GARNL3: variants seen among roughly 807,000 people sequenced by gnomAD.
GARNL3 encodes the protein GTPase activating Rap/RanGAP domain like 3, also known as GTPase-activating Rap/Ran-GAP domain-like protein 3.
GARNL3 carries 63 observed loss-of-function variants against 125.0 expected under a neutral mutation model. That is an observed-to-expected ratio of 0.50 (90% confidence interval 0.41 to 0.62). The LOEUF (loss-of-function observed/expected upper bound fraction) is 0.62, where lower values mean the gene tolerates loss of function less well. Ranked by LOEUF, GARNL3 falls within the 20% of genes least tolerant of loss-of-function variation. GARNL3 has a pLI of 0.00. For missense variants in GARNL3, 994 were observed against 1,244.0 expected, an observed-to-expected ratio of 0.80 and a Z score of 3.02; for synonymous variants, 439 against 457.5, an observed-to-expected ratio of 0.96 and a Z score of 0.52.
chr9:127,313,372 AGT>A (rs2065146862), intron 3 of GARNL3, 67 bp from the exon 4 acceptor site: 3 of 1,050,894 alleles, frequency 2.9e-6, no homozygotes, highest in Non-Finnish European at 4.5e-6. Flanking sequence ...CACCACCTGC[AGT>A]GTCCTCTACC....
rs1419301360 is a variant in GARNL3 at position 127,393,479 on chromosome 9, T to C, written c.*225T>C. ...ACCATCAGTCCCCTTGTAATAAAGG[T>C]GGTAGATTTCATTGAGGTTTTAGAT... On this transcript the variant is annotated 3_prime_UTR_variant, in exon 28 of 28. Coordinates refer to ENST00000373387, the MANE Select transcript of GARNL3 (RefSeq NM_032293.5). The C allele has an allele frequency of 2.8e-6, 1 of 351,076 alleles. No homozygotes were observed. The highest frequency in any genetic ancestry group is 4.2e-5 in the East Asian group (1 of 23,592). The allele number at this position is 351,076 out of a possible 1,614,324, so 21.7% of individuals were successfully genotyped here.
intron 2 of GARNL3, chr9:127,300,527 T>C: frequency 2.9e-6 from 1 of 350,480 alleles, no homozygotes; most frequent in South Asian, 2.4e-5. Context: ...GGATCTTGGC[T>C]CACTGCAACC....
rs2063220671 is a variant in GARNL3, at chr9:127,242,446, ACCTT to A, written c.-28-628_-28-625del. 1.3e-5 allele frequency among the ~76,000 whole-genome samples: 2 copies of A among 152,026 alleles called. No homozygotes were observed. Among genetic ancestry groups the A allele is most frequent in the South Asian group, 4.1e-4 (2 of 4,826 alleles). Reference sequence around the variant, plus strand: ...CCATCATCCCACAACTGCCTTTTCCACCTTCCTTGATGCATCATCGGAGAAAGGA... The same window carrying A: ...CCATCATCCCACAACTGCCTTTTCCACCTTGATGCATCATCGGAGAAAGGA... On this transcript the variant is annotated intron_variant, in intron 1 of 10. Coordinates refer to the GARNL3 transcript ENST00000439286. This position sits in a 1 kb window ranked among gnomAD's most constrained non-coding sequence, Gnocchi z 4.6.
At chr9:127,313,337 C>G (rs898803938) in intron 3 of GARNL3, 104 bp from the exon 4 acceptor site, 14 of 809,108 alleles carry the variant, frequency 1.7e-5, no homozygotes, top group Non-Finnish European at 2.9e-5. Context: ...GATTATTGTT[C>G]CCTGAGCATG....
intron 2 of GARNL3, among the ~76,000 whole-genome samples, chr9:127,292,754 C>T (rs547566734): frequency 6.6e-6 from 1 of 152,318 alleles, no homozygotes; most frequent in South Asian, 2.1e-4. Context: ...CCTGGCCCTG[C>T]CATACACCAG....
chr9:127,373,113 C>T (rs1831696588), intron 22 of GARNL3, among the ~76,000 whole-genome samples: 1 of 152,198 alleles, frequency 6.6e-6, no homozygotes, highest in Non-Finnish European at 1.5e-5. Flanking sequence ...AGAGAATGTA[C>T]TTCTTGTTGG....
chr9:127,291,385 T>A, intron 2 of GARNL3, 143 bp downstream of exon 2: 1 of 716,648 alleles, frequency 1.4e-6, no homozygotes, highest in Non-Finnish European at 2.4e-6. Context: ...ATGTCAGTAT[T>A]CTGGCATGGA....
At chr9:127,292,691 G>A (rs2064459241) in intron 2 of GARNL3, among the ~76,000 whole-genome samples, 1 of 152,214 alleles carries the variant, frequency 6.6e-6, no homozygotes, top group Non-Finnish European at 1.5e-5. Flanking sequence ...GACATCAATG[G>A]GGCCTTCATG....
At chr9:127,257,740 T>C (rs1166944464) in intron 2 of GARNL3, among the ~76,000 whole-genome samples, 1 of 151,986 alleles carries the variant, frequency 6.6e-6, no homozygotes, top group East Asian at 1.9e-4. Context: ...TGTTGGGGGG[T>C]GCAGGGAGAA....
chr9:127,334,121 G>C (rs1364683913), intron 9 of GARNL3, among the ~76,000 whole-genome samples: 1 of 152,196 alleles, frequency 6.6e-6, no homozygotes, highest in Non-Finnish European at 1.5e-5. Context: ...GGGTAGCTGG[G>C]TGGGGTTGGC....
intron 17 of GARNL3, among the ~76,000 whole-genome samples, chr9:127,350,296 A>G (rs1038902026): frequency 6.6e-6 from 1 of 152,210 alleles, no homozygotes; most frequent in Non-Finnish European, 1.5e-5. Flanking sequence ...TAAGATGCTG[A>G]GAATAGTTTA....
At chr9:127,325,887 CAT>C (rs1309502992) in intron 7 of GARNL3, among the ~76,000 whole-genome samples, 1 of 152,176 alleles carries the variant, frequency 6.6e-6, no homozygotes, top group African/African-American at 2.4e-5. Context: ...CCTTTTGAAA[CAT>C]GTGGAATCGG....
chr9:127,312,331 C>G (rs1468817576), intron 3 of GARNL3, among the ~76,000 whole-genome samples: 2 of 152,174 alleles, frequency 1.3e-5, no homozygotes, highest in African/African-American at 2.4e-5. Context: ...ACTAGCTACT[C>G]TCCATTTCTC....
rs148971423 is a variant in GARNL3, at chr9:127,240,037, A to G, written c.-28-3042A>G. Among the ~76,000 whole-genome samples, 18 of 152,348 alleles carry G rather than the reference A, an allele frequency of 1.2e-4. No individual in the cohort carries two copies. The East Asian group carries it at 2.9e-3, about 24-fold the overall frequency. ...AAACAATGTATTCTGTAATATTCCA[A>G]ATTAAGGATGCATGTATATTTACTG... On this transcript the variant is annotated intron_variant, in intron 1 of 10. Coordinates refer to the GARNL3 transcript ENST00000439286.
intron 2 of GARNL3, among the ~76,000 whole-genome samples, chr9:127,297,855 T>G (rs2064651370): frequency 6.6e-6 from 1 of 152,058 alleles, no homozygotes. Flanking sequence ...CTATAGCAAT[T>G]TAAAACACAA....
chr9:127,239,339 C>T (rs918344464), intron 1 of GARNL3, among the ~76,000 whole-genome samples: 1 of 152,154 alleles, frequency 6.6e-6, no homozygotes, highest in African/African-American at 2.4e-5. Context: ...AAGAGGGAAC[C>T]CTCTGCCAAG....
intron 22 of GARNL3, among the ~76,000 whole-genome samples, chr9:127,380,200 A>ATGTGTGTGTG (rs55906930): frequency 0.015 from 2,139 of 141,682 alleles, 30 homozygotes; most frequent in East Asian, 0.035. Flanking sequence ...CTCAAAAAAT[A>ATGTGTGTGTG]TGTGTGTGTG....
At chr9:127,264,663 AC>A, upstream of GARNL3, 1 of 1,187,652 alleles carries the variant, frequency 8.4e-7, no homozygotes, top group Non-Finnish European at 1.0e-6. Flanking sequence ...ACCACCAGTA[AC>A]CTTGGAAATT....
Position 127,229,723 on chromosome 9 carries a change from C to G in GARNL3, c.-29+5385C>G, listed in dbSNP as rs2062969517. 2.0e-5 allele frequency among the ~76,000 whole-genome samples: 3 copies of G among 152,106 alleles called. No individual in the cohort carries two copies. In the South Asian group the frequency reaches 6.2e-4, roughly 32 times the overall value. On this transcript the variant is annotated intron_variant, in intron 1 of 10. Transcript: ENST00000439286. Reference sequence around the variant, plus strand: ...TGTTTCCCAGGCTGATCTCGAAATCCTGGCCTCAAGCTATCCTACTGCCTT... The same window carrying G: ...TGTTTCCCAGGCTGATCTCGAAATCGTGGCCTCAAGCTATCCTACTGCCTT...
Sources: gnomAD v4.1 joint callset for allele counts (sites outside exome capture counted in the v4.1 genomes callset) on GRCh38, gnomAD v4.1.1 for gene constraint, Gnocchi (gnomAD v3.1) non-coding constraint, MANE v1.5 for transcripts, NCBI Gene and HGNC (gene_info 2026-07-23, HGNC 2026-07-21) for gene names.